EIF4G2: variants seen among roughly 807,000 people sequenced by gnomAD.
EIF4G2 encodes DAP-5.
EIF4G2 carries 8 observed loss-of-function variants against 117.7 expected under a neutral mutation model. The observed-to-expected ratio is 0.07, with a 90% confidence interval of 0.04 to 0.12. The LOEUF (loss-of-function observed/expected upper bound fraction) is 0.12, where lower values mean the gene tolerates loss of function less well. EIF4G2 is among the 10% of genes least tolerant of loss of function. The pLI is 1.00. For missense variants in EIF4G2, 812 were observed against 1,086.2 expected (o/e 0.75, Z 3.55); for synonymous variants, 413 against 367.8 (o/e 1.12, Z -1.41).
In EIF4G2 at chr11:10,803,061, G is replaced by A. The variant is rs373749716; in HGVS notation, c.965C>T (p.Thr322Met). 7 of 1,610,496 alleles carry A rather than the reference G, an allele frequency of 4.3e-6. No individual in the cohort carries two copies. Among genetic ancestry groups the A allele is most frequent in the Non-Finnish European group, 5.1e-6 (6 of 1,178,304 alleles). ...TGCATCTTGACGAATTTGATTGATC[G>A]TCTTTGGTCCATTGTCAAGAAAAGC... is the stretch of plus-strand genomic sequence containing the variant. The change falls in exon 11 of 22, where the codon ACG becomes ATG. Residue 322 changes from threonine to methionine, a missense_variant. Physicochemically the swap from Thr to Met is moderately conservative, Grantham distance 81. Coordinates refer to ENST00000339995, the MANE Select transcript of EIF4G2 (RefSeq NM_001418.4). The surrounding 1 kb of genome is among the most constrained non-coding windows in gnomAD (Gnocchi z 4.0).
chr11:10,804,931 A>C lies in EIF4G2; in HGVS notation c.333T>G (p.Leu111=). ...AACTTACCAGCAGTATGACCCCTTT[A>C]AGGATGAGTTTAGACTCTACACCCA... The change falls in exon 5 of 22, where the codon CTT becomes CTG. Residue 111 remains leucine (L), a synonymous_variant. Transcript: ENST00000339995. The C allele has an allele frequency of 6.2e-7, 1 of 1,613,940 alleles. No homozygotes were observed.
chr11:10,802,108 T>C lies in EIF4G2; in HGVS notation c.1240A>G (p.Ile414Val). The stretch of plus-strand genomic sequence containing the variant: ...AACTGCGATTGTGTGGGAGGCATGA[T>C]GTGTCCCCCATGGCCATTGAAGAGT... The change falls in exon 13 of 22, where the codon ATC (isoleucine) becomes GTC (valine). Residue 414 changes from isoleucine to valine, a missense_variant. Transcript: ENST00000339995. 1 of 1,158,630 alleles carries C rather than the reference T, an allele frequency of 8.6e-7. No homozygotes were observed. Among genetic ancestry groups the C allele is most frequent in the Non-Finnish European group, 1.1e-6 (1 of 921,852 alleles). 71.8% of individuals were successfully genotyped at this position (1,158,630 alleles called of 1,614,324 possible).
chr11:10,798,166 G>A (rs1590037744), intron 21 of EIF4G2, among the ~76,000 whole-genome samples: 5 of 152,144 alleles, frequency 3.3e-5, no homozygotes, highest in South Asian at 4.1e-4. Flanking sequence ...GGGCCCCCTG[G>A]AAAACTAGTA....
intron 15 of EIF4G2, 39 bp downstream of exon 15, chr11:10,800,923 A>T (rs776946432): frequency 1.2e-6 from 2 of 1,612,542 alleles, no homozygotes; most frequent in Non-Finnish European, 8.5e-7. Flanking sequence ...AAAAGTCTTC[A>T]GATATCTTTA....
At chr11:10,799,817 G>C in intron 18 of EIF4G2, 61 bp from the exon 19 acceptor site, 1 of 1,550,336 alleles carries the variant, frequency 6.5e-7, no homozygotes, top group Non-Finnish European at 8.7e-7. Flanking sequence ...GTCCTGTCCA[G>C]AGAGCAGAGC....
intron 5 of EIF4G2, 199 bp downstream of exon 5, chr11:10,804,714 T>C (rs1486911715): frequency 3.3e-6 from 2 of 603,592 alleles, no homozygotes; most frequent in African/African-American, 3.7e-5. Flanking sequence ...AACCATACCA[T>C]GAACTTAACA....
chr11:10,798,048 A>G (rs146592961), intron 21 of EIF4G2, among the ~76,000 whole-genome samples, 167 bp from the exon 22 acceptor site: 40 of 152,372 alleles, frequency 2.6e-4, no homozygotes, highest in Non-Finnish European at 5.1e-4. Context: ...GATTTGGGAC[A>G]ACACAGAGCT....
chr11:10,806,978 G>T, intron 2 of EIF4G2, 93 bp from the exon 3 acceptor site: 1 of 1,448,148 alleles, frequency 6.9e-7, no homozygotes, highest in Non-Finnish European at 9.6e-7. Context: ...TGCTTGTAGA[G>T]ATGGGGGTCT....
chr11:10,803,507 T>C lies in EIF4G2; in HGVS notation c.786A>G (p.Gly262=), dbSNP rs964488738. ...TGGCTCGTTCATGGTCTAATCTAGG[T>C]CCCACTGTCCTCATTATCTGACAGA... The change falls in exon 9 of 22, where the codon GGA becomes GGG. Residue 262 remains glycine, a synonymous_variant. Transcript: ENST00000339995. The surrounding 1 kb of genome is among the most constrained non-coding windows in gnomAD (Gnocchi z 4.0). 28 of 1,613,966 alleles carry C rather than the reference T, an allele frequency of 1.7e-5. No homozygotes were observed. Among genetic ancestry groups the C allele is most frequent in the Admixed American group, 3.3e-5 (2 of 59,996 alleles).
In EIF4G2 at chr11:10,800,917, G is replaced by A. The variant is rs190045085; in HGVS notation, c.1539+45C>T. On this transcript the variant is annotated intron_variant, in intron 15 of 21. Transcript: ENST00000339995. ...AAGAACACACTAAATTTAGAAAAAA[G>A]TCTTCAGATATCTTTAGAAAATGCT... 18 of 1,611,962 alleles carry A rather than the reference G, an allele frequency of 1.1e-5. No homozygotes were observed. The Admixed American group carries it at 3.0e-4, about 27-fold the overall frequency.
At chr11:10,798,698 CTGA>C (rs1847333437) in intron 21 of EIF4G2, 1 of 222,104 alleles carries the variant, frequency 4.5e-6, no homozygotes, top group South Asian at 8.7e-5. Context: ...TTCCTCTTTA[CTGA>C]TGTTTTTAAA....
chr11:10,801,168 A>G, intron 14 of EIF4G2, 81 bp from the exon 15 acceptor site: 1 of 1,549,532 alleles, frequency 6.5e-7, no homozygotes, highest in South Asian at 1.2e-5. Context: ...AAAATCCTAT[A>G]CAGTGACAGA....
Position 10,797,736 on chromosome 11 carries a change from AT to A in EIF4G2, c.*79del, listed in dbSNP as rs1295154546. On this transcript the variant is annotated 3_prime_UTR_variant, in exon 22 of 22. Coordinates refer to ENST00000339995, the MANE Select transcript of EIF4G2 (RefSeq NM_001418.4). This position sits in a 1 kb window ranked among gnomAD's most constrained non-coding sequence, Gnocchi z 4.5. ...TTGTGAAAACATTACAGCGGAATGAATTTTCGCAGTGGTTAGGTCAAATGCA... is the reference window on the plus strand; with the variant it reads ...TTGTGAAAACATTACAGCGGAATGAATTTCGCAGTGGTTAGGTCAAATGCA... The A allele has an allele frequency of 7.2e-7, 1 of 1,387,858 alleles. No individual in the cohort carries two copies. The highest frequency in any genetic ancestry group is 1.4e-5 in the African/African-American group (1 of 69,918). The allele number at this position is 1,387,858 out of a possible 1,614,324, so 86.0% of individuals were successfully genotyped here.
At chr11:10,801,390 G>C in intron 14 of EIF4G2, 2 of 629,882 alleles carry the variant, frequency 3.2e-6, no homozygotes, top group South Asian at 3.6e-5. Flanking sequence ...TTTATCCTTA[G>C]TTAAATCACC....
intron 21 of EIF4G2, 176 bp downstream of exon 21, chr11:10,798,812 GATTC>G (rs1255974178): frequency 4.3e-5 from 32 of 741,038 alleles, no homozygotes; most frequent in Middle Eastern, 7.9e-4. Context: ...CACTAGAATT[GATTC>G]ATTGTGTAGC....
At chr11:10,806,128 G>A (rs925490809) in intron 3 of EIF4G2, 81 bp from the exon 4 acceptor site, 6 of 1,586,832 alleles carry the variant, frequency 3.8e-6, no homozygotes, top group Admixed American at 1.8e-5. Context: ...ATAGAAAAAA[G>A]TAATTTAGGC....
At chr11:10,801,118 A>AAC (rs1314919250) in intron 14 of EIF4G2, 31 bp from the exon 15 acceptor site, 1 of 1,612,706 alleles carries the variant, frequency 6.2e-7, no homozygotes, top group Admixed American at 1.7e-5. Flanking sequence ...TATCTAAATT[A>AAC]ACAACATGCA....
At chr11:10,801,923 T>C (rs1008039562) in intron 13 of EIF4G2, 126 bp downstream of exon 13, 5 of 775,274 alleles carry the variant, frequency 6.4e-6, no homozygotes, top group African/African-American at 2.6e-5. Context: ...AGAATAAAAA[T>C]CTAACCTATC....
Position 10,797,687 on chromosome 11 carries a change from A to C in EIF4G2, c.*129T>G. ...AAACCTTATGCAGAAGGAAATCCTA[A>C]CTGACGTGCTTCTGCTTTAAATATT... On this transcript the variant is annotated 3_prime_UTR_variant, in exon 22 of 22. Transcript: ENST00000339995. This position sits in a 1 kb window ranked among gnomAD's most constrained non-coding sequence, Gnocchi z 4.5. 1 of 960,666 alleles carries C rather than the reference A, an allele frequency of 1.0e-6. No homozygotes were observed. Among genetic ancestry groups the C allele is most frequent in the East Asian group, 2.4e-5 (1 of 41,578 alleles). The allele number at this position is 960,666 out of a possible 1,614,324, so 59.5% of individuals were successfully genotyped here. A position where few individuals can be genotyped will look rare whatever the true frequency, so the allele number is the denominator to read the frequency against.
Sources: allele counts gnomAD v4.1 joint callset (sites outside exome capture counted in the v4.1 genomes callset), GRCh38; gene constraint gnomAD v4.1.1; non-coding constraint Gnocchi (gnomAD v3.1); transcripts MANE v1.5; gene names NCBI Gene and HGNC (gene_info 2026-07-23, HGNC 2026-07-21).